The following CMIP variants were observed in gnomAD, a reference collection of about 807,000 sequenced individuals.
The protein encoded by CMIP is c-Maf inducing protein.
In CMIP, 13 loss-of-function variants were observed where a neutral mutation model predicts 97.3. The ratio of observed to expected loss-of-function variants is 0.13; its 90% confidence interval spans 0.09 to 0.21. The LOEUF (loss-of-function observed/expected upper bound fraction) is 0.21, where lower values mean the gene tolerates loss of function less well. Among genes scored for constraint, CMIP ranks in the 10% least tolerant of loss-of-function variants. CMIP has a pLI of 1.00. For missense variants in CMIP, 847 were observed against 1,024.9 expected (o/e 0.83, Z 2.37); for synonymous variants, 538 against 436.3 (o/e 1.23, Z -2.91).
chr16:81,705,238 C>G (rs1362249770), intron 18 of CMIP, among the ~76,000 whole-genome samples: 3 of 152,202 alleles, frequency 2.0e-5, no homozygotes, highest in African/African-American at 7.2e-5. Context: ...GTTCAAAGCC[C>G]TCCTTCATGG....
chr16:81,619,991 T>G (rs893611806), intron 2 of CMIP: 1 of 152,224 alleles, frequency 6.6e-6, no homozygotes, highest in Non-Finnish European at 1.5e-5. Flanking sequence ...TGCATTTTAT[T>G]GGAAAGGACT....
At position 81,453,386 on chromosome 16, in the gene CMIP, A is replaced by C. The variant is rs1427988588; in HGVS notation, c.300+7845A>C. On this transcript the variant is annotated intron_variant, in intron 1 of 20. Transcript: ENST00000537098. The surrounding 1 kb of genome is among the most constrained non-coding windows in gnomAD (Gnocchi z 4.0). ...GCTTCCCTTGGGCTGGGCTGGCTGC[A>C]TCCAGCTCAGGTGGGGTCATATGGA... Among the ~76,000 whole-genome samples, 5 of 152,318 alleles carry C rather than the reference A, an allele frequency of 3.3e-5. No homozygotes were observed. The highest frequency in any genetic ancestry group is 1.2e-4 in the African/African-American group (5 of 41,568).
At chr16:81,693,323 C>T (rs748114471) in intron 12 of CMIP, 116 bp from the exon 13 acceptor site, 1 of 1,444,094 alleles carries the variant, frequency 6.9e-7, no homozygotes. Flanking sequence ...GTCCCTGATC[C>T]ACCGCCTTGC....
intron 1 of CMIP, among the ~76,000 whole-genome samples, chr16:81,603,783 G>C (rs1255587962): frequency 6.6e-6 from 1 of 152,182 alleles, no homozygotes; most frequent in African/African-American, 2.4e-5. Flanking sequence ...TTAGACTTGG[G>C]TTATGGGTTT....
chr16:81,468,990 A>G (rs1907369294), intron 1 of CMIP, among the ~76,000 whole-genome samples: 1 of 152,238 alleles, frequency 6.6e-6, no homozygotes, highest in Admixed American at 6.5e-5. Flanking sequence ...GGAAGGCCCC[A>G]TGAACGTCTT....
At position 81,551,805 on chromosome 16, in the gene CMIP, C is replaced by G. The variant is rs146465220; in HGVS notation, c.301-55762C>G. 6.4e-3 allele frequency among the ~76,000 whole-genome samples: 980 copies of G among 152,310 alleles called. 13 individuals carry two copies. Among genetic ancestry groups the G allele is most frequent in the African/African-American group, 0.022 (909 of 41,562 alleles). ...GCTGAGGCCCCTGTTGTGGACAGTT[C>G]CCCTGGATGCATGTGGGTGACAGCT... On this transcript the variant is annotated intron_variant, in intron 1 of 20. Coordinates refer to ENST00000537098, the MANE Select transcript of CMIP (RefSeq NM_198390.3).
chr16:81,482,106 T>C (rs2089233907), intron 1 of CMIP, among the ~76,000 whole-genome samples: 1 of 152,130 alleles, frequency 6.6e-6, no homozygotes, highest in Admixed American at 6.6e-5. Flanking sequence ...TTCGAACTAC[T>C]GACCGCAAGT....
intron 1 of CMIP, among the ~76,000 whole-genome samples, chr16:81,522,339 C>G (rs1458608356): frequency 1.3e-5 from 2 of 152,164 alleles, no homozygotes; most frequent in African/African-American, 4.8e-5. Flanking sequence ...GCTCCATCCA[C>G]TGAAGCACAC....
intron 10 of CMIP, among the ~76,000 whole-genome samples, chr16:81,682,643 GCACGCTTAGAGCGAAC>G (rs1904987619): frequency 6.6e-6 from 1 of 152,214 alleles, no homozygotes; most frequent in Non-Finnish European, 1.5e-5. Context: ...GCTCAGGAAG[GCACGCTTAGAGCGAAC>G]CACATCCATC....
intron 1 of CMIP, among the ~76,000 whole-genome samples, chr16:81,569,182 A>G (rs539368792): frequency 6.6e-6 from 1 of 152,278 alleles, no homozygotes; most frequent in East Asian, 1.9e-4. Flanking sequence ...CTCTCTCCCC[A>G]TCACCCTGTA....
intron 13 of CMIP, chr16:81,696,250 G>A: frequency 2.2e-6 from 1 of 457,466 alleles, no homozygotes. Context: ...GTTGCTCTGG[G>A]CATCTCTACC....
chr16:81,664,759 G>A, intron 7 of CMIP: 1 of 373,142 alleles, frequency 2.7e-6, no homozygotes, highest in Non-Finnish European at 4.8e-6. Context: ...TTGCAGTGGA[G>A]AAACCAGACA....
chr16:81,672,745 T>C (rs1411234609), intron 9 of CMIP, among the ~76,000 whole-genome samples: 1 of 152,164 alleles, frequency 6.6e-6, no homozygotes, highest in Non-Finnish European at 1.5e-5. Context: ...ATGGCTAATA[T>C]TTAAAATTTT....
At chr16:81,664,661 C>T in intron 7 of CMIP, 3 of 562,546 alleles carry the variant, frequency 5.3e-6, no homozygotes, top group Non-Finnish European at 9.4e-6. Context: ...CTCAAGGACC[C>T]AGAGCGCGAC....
At chr16:81,584,106 G>A (rs1477177214) in intron 1 of CMIP, among the ~76,000 whole-genome samples, 1 of 152,186 alleles carries the variant, frequency 6.6e-6, no homozygotes, top group Non-Finnish European at 1.5e-5. Context: ...AGGGAGAAGT[G>A]GAGTTGGAGT....
intron 1 of CMIP, among the ~76,000 whole-genome samples, chr16:81,596,618 AC>A (rs1419741289): frequency 2.6e-5 from 4 of 152,160 alleles, no homozygotes; most frequent in Non-Finnish European, 1.5e-5. Context: ...TGTATCACCA[AC>A]AGCCAGAATC....
intron 1 of CMIP, among the ~76,000 whole-genome samples, chr16:81,478,552 T>C (rs1052335414): frequency 4.6e-5 from 7 of 152,136 alleles, no homozygotes; most frequent in Non-Finnish European, 7.4e-5. Flanking sequence ...TGAGGAATTA[T>C]GGAAGGGATC....
intron 1 of CMIP, among the ~76,000 whole-genome samples, chr16:81,461,863 G>A (rs10163406): frequency 0.024 from 3,648 of 152,310 alleles, 164 homozygotes; most frequent in African/African-American, 0.083. Context: ...GATTGTGAGA[G>A]TAAATGACAT....
intron 9 of CMIP, among the ~76,000 whole-genome samples, chr16:81,675,266 C>G (rs913277203): frequency 2.6e-5 from 4 of 152,092 alleles, no homozygotes; most frequent in African/African-American, 9.7e-5. Flanking sequence ...TGCGGTGGCG[C>G]AATCTCTGCT....
Sources: gnomAD v4.1 joint callset for allele counts (sites outside exome capture counted in the v4.1 genomes callset) on GRCh38, gnomAD v4.1.1 for gene constraint, Gnocchi (gnomAD v3.1) non-coding constraint, MANE v1.5 for transcripts, NCBI Gene and HGNC (gene_info 2026-07-23, HGNC 2026-07-21) for gene names.